The following LHFPL3 variants were observed in gnomAD, a reference collection of about 807,000 sequenced individuals.
LHFPL3 encodes LHFPL tetraspan subfamily member 3 protein.
Under a neutral mutation model 19.3 loss-of-function variants are expected in LHFPL3, and 5 were observed. The observed-to-expected ratio is 0.26, with a 90% CI of 0.14 to 0.54. The LOEUF (loss-of-function observed/expected upper bound fraction) is 0.54. Ranked by LOEUF, LHFPL3 falls within the 20% of genes least tolerant of loss-of-function variation. The pLI, the probability that LHFPL3 is intolerant of heterozygous loss-of-function variation, is 0.94. For synonymous variants in LHFPL3, 133 were observed against 126.2 expected, an observed-to-expected ratio of 1.05 and a Z score of -0.36; for missense variants, 249 against 307.4, an observed-to-expected ratio of 0.81 and a Z score of 1.42.
At chr7:104,360,959 A>T (rs762055932) in intron 1 of LHFPL3, among the ~76,000 whole-genome samples, 1 of 152,178 alleles carries the variant, frequency 6.6e-6, no homozygotes, top group Non-Finnish European at 1.5e-5. Flanking sequence ...GCTAAGAATG[A>T]CTTTTACATT....
intron 1 of LHFPL3, among the ~76,000 whole-genome samples, chr7:104,452,258 A>C (rs1235227292): frequency 1.3e-5 from 2 of 152,222 alleles, no homozygotes; most frequent in Admixed American, 1.3e-4. Context: ...TTCTGACATC[A>C]GACATCATTT....
intron 1 of LHFPL3, among the ~76,000 whole-genome samples, chr7:104,382,943 T>TTTTAAAGG (rs1231708017): frequency 2.7e-5 from 4 of 149,112 alleles, no homozygotes; most frequent in Non-Finnish European, 4.4e-5. Flanking sequence ...TGCCAGTCAC[T>TTTTAAAGG]CTTCACAGTA....
intron 1 of LHFPL3, among the ~76,000 whole-genome samples, chr7:104,596,779 A>T (rs1790870548): frequency 6.6e-6 from 1 of 152,216 alleles, no homozygotes; most frequent in Non-Finnish European, 1.5e-5. Flanking sequence ...TCTCACGTGC[A>T]TTGCCAGAAA....
intron 1 of LHFPL3, among the ~76,000 whole-genome samples, chr7:104,613,540 G>C (rs1013179933): frequency 6.6e-6 from 1 of 152,130 alleles, no homozygotes; most frequent in African/African-American, 2.4e-5. Flanking sequence ...AATGGTAAAA[G>C]AATTACCTAG....
rs79019327 is a variant in LHFPL3, at chr7:104,461,501, A to G, written c.445+132277A>G. Among the ~76,000 whole-genome samples, 62 of 152,338 alleles carry G rather than the reference A, an allele frequency of 4.1e-4. No homozygotes were observed. The East Asian group carries it at 0.012, about 28-fold the overall frequency. ...CTTGTTTTCGTCAGCTTTGATGAAG[A>G]TCAGATGGTTATAAGTATGCAGCCT... On this transcript the variant is annotated intron_variant, in intron 1 of 2. Coordinates refer to ENST00000424859, the MANE Select transcript of LHFPL3 (RefSeq NM_199000.3).
At chr7:104,457,582 CA>C (rs1202250355) in intron 1 of LHFPL3, among the ~76,000 whole-genome samples, 1 of 149,852 alleles carries the variant, frequency 6.7e-6, no homozygotes, top group Non-Finnish European at 1.5e-5. Context: ...CATACGTGTG[CA>C]TGTGTCTTTA....
intron 1 of LHFPL3, among the ~76,000 whole-genome samples, chr7:104,361,249 G>C (rs935572455): frequency 3.3e-5 from 5 of 152,160 alleles, no homozygotes; most frequent in African/African-American, 1.2e-4. Context: ...CCCTTTTAAG[G>C]CTGGTGGGAA....
chr7:104,763,082 C>G (rs1427836212), intron 2 of LHFPL3, among the ~76,000 whole-genome samples: 2 of 152,130 alleles, frequency 1.3e-5, no homozygotes, highest in Non-Finnish European at 2.9e-5. Context: ...GTGATGATGC[C>G]AAAAATAGTC....
chr7:104,769,006 C>G (rs1344560805), intron 2 of LHFPL3: 1 of 152,192 alleles, frequency 6.6e-6, no homozygotes, highest in Non-Finnish European at 1.5e-5. Flanking sequence ...ATCCAGAAAC[C>G]AGATTTCCCT....
chr7:104,717,532 T>G lies in LHFPL3; in HGVS notation c.446-19143T>G, dbSNP rs78626682. On this transcript the variant is annotated intron_variant, in intron 1 of 2. Transcript: ENST00000424859. Reference sequence around the variant, plus strand: ...TGTTTCTCAAAAGAAGACATACAAGTGGCCAATGGGTATATAAAAATATGC... The same window carrying G: ...TGTTTCTCAAAAGAAGACATACAAGGGGCCAATGGGTATATAAAAATATGC... 7.0e-3 allele frequency among the ~76,000 whole-genome samples: 1,060 copies of G among 152,290 alleles called. 13 individuals are homozygous for G. Among genetic ancestry groups the G allele is most frequent in the African/African-American group, 0.025 (1,024 of 41,574 alleles).
intron 1 of LHFPL3, among the ~76,000 whole-genome samples, chr7:104,726,055 C>CAAAAAAAAAA (rs56697785): frequency 1.5e-4 from 11 of 75,072 alleles, no homozygotes; most frequent in African/African-American, 5.4e-4. Context: ...CCATCTCAGG[C>CAAAAAAAAAA]AAAAAAAAAA....
intron 1 of LHFPL3, among the ~76,000 whole-genome samples, chr7:104,508,177 T>C (rs1181417133): frequency 6.6e-6 from 1 of 152,074 alleles, no homozygotes; most frequent in Non-Finnish European, 1.5e-5. Flanking sequence ...TATTGCGGCA[T>C]TATTCACGAT....
chr7:104,670,860 T>G (rs1792464308), intron 1 of LHFPL3, among the ~76,000 whole-genome samples: 1 of 141,320 alleles, frequency 7.1e-6, no homozygotes, highest in Non-Finnish European at 1.6e-5. Flanking sequence ...CAATGTGTTT[T>G]GTTTTGTTTT....
At chr7:104,690,300 TG>T (rs1792883926) in intron 1 of LHFPL3, among the ~76,000 whole-genome samples, 1 of 152,256 alleles carries the variant, frequency 6.6e-6, no homozygotes, top group Admixed American at 6.5e-5. Flanking sequence ...ATTTGGCAAA[TG>T]TCTTTTTCTC....
chr7:104,560,668 T>C (rs1396177181), intron 1 of LHFPL3, among the ~76,000 whole-genome samples: 2 of 151,244 alleles, frequency 1.3e-5, no homozygotes, highest in African/African-American at 4.9e-5. Flanking sequence ...GAGTTTTTTG[T>C]GTCTCTATTT....
At chr7:104,527,016 A>C (rs139317250) in intron 1 of LHFPL3, among the ~76,000 whole-genome samples, 151 of 152,332 alleles carry the variant, frequency 9.9e-4, no homozygotes, top group African/African-American at 3.3e-3. Flanking sequence ...CTATTTAAAC[A>C]AAGGGTCAGG....
intron 1 of LHFPL3, among the ~76,000 whole-genome samples, chr7:104,569,444 T>C (rs1176409903): frequency 1.3e-5 from 2 of 152,222 alleles, no homozygotes; most frequent in African/African-American, 2.4e-5. Flanking sequence ...CACCGTTGTA[T>C]ACACCTTGTC....
chr7:104,905,136 T>C (rs1225308411), intron 2 of LHFPL3, among the ~76,000 whole-genome samples: 1 of 151,900 alleles, frequency 6.6e-6, no homozygotes, highest in African/African-American at 2.4e-5. Context: ...GTATGTTTTG[T>C]AGAGATGGGG....
chr7:104,642,394 C>G (rs1447260549), intron 1 of LHFPL3, among the ~76,000 whole-genome samples: 2 of 152,174 alleles, frequency 1.3e-5, no homozygotes. Context: ...AGATTTTCTA[C>G]TGACCAACAT....
Sources: allele counts gnomAD v4.1 joint callset (sites outside exome capture counted in the v4.1 genomes callset), GRCh38; gene constraint gnomAD v4.1.1; transcripts MANE v1.5; gene names NCBI Gene and HGNC (gene_info 2026-07-23, HGNC 2026-07-21).